The following FAM20B variants were observed in gnomAD, a reference collection of about 807,000 sequenced individuals.
The protein encoded by FAM20B is FAM20B glycosaminoglycan xylosylkinase, also known as glycosaminoglycan xylosylkinase.
A neutral mutation model predicts 43.8 loss-of-function variants in FAM20B; 23 were observed. The observed-to-expected ratio is 0.53, with a 90% CI of 0.38 to 0.74. The LOEUF is 0.74. Ranked by LOEUF, FAM20B falls within the 30% of genes least tolerant of loss-of-function variation. The pLI, the probability that FAM20B is intolerant of heterozygous loss-of-function variation, is 0.00. For synonymous variants in FAM20B, 178 were observed against 192.4 expected, an observed-to-expected ratio of 0.93 and a Z score of 0.62; for missense variants, 440 against 510.5, an observed-to-expected ratio of 0.86 and a Z score of 1.33.
intron 7 of FAM20B, among the ~76,000 whole-genome samples, chr1:179,070,502 G>T (rs1202909435): frequency 6.7e-6 from 1 of 149,678 alleles, no homozygotes; most frequent in Non-Finnish European, 1.5e-5. Flanking sequence ...GGGCAACAAG[G>T]GGCTGAACTC....
At chr1:179,020,179 A>T in the FAM20B span, among the ~76,000 whole-genome samples, 7 of 151,816 alleles carry the variant, frequency 4.6e-5, no homozygotes, top group Non-Finnish European at 8.8e-5. Flanking sequence ...ACACACACAC[A>T]CACACACACA....
intron 3 of FAM20B, 115 bp downstream of exon 3, chr1:179,050,480 A>C (rs1650959721): frequency 1.4e-6 from 1 of 700,620 alleles, no homozygotes; most frequent in Admixed American, 2.4e-5. Context: ...CTTGTTATCG[A>C]TTTTAGATAG....
At chr1:179,063,866 G>A in intron 4 of FAM20B, 61 bp from the exon 5 acceptor site, 1 of 1,231,308 alleles carries the variant, frequency 8.1e-7, no homozygotes, top group Non-Finnish European at 1.2e-6. Flanking sequence ...GCATTATTTG[G>A]GAGAGAACTT....
upstream of FAM20B, among the ~76,000 whole-genome samples, chr1:179,024,143 A>C (rs924809946): frequency 6.6e-6 from 1 of 152,114 alleles, no homozygotes; most frequent in African/African-American, 2.4e-5. Flanking sequence ...GAAAAGGAGG[A>C]AGTGTGTCTG....
At chr1:179,028,085 C>A (rs1215441520) in intron 1 of FAM20B, among the ~76,000 whole-genome samples, 1 of 152,198 alleles carries the variant, frequency 6.6e-6, no homozygotes, top group Non-Finnish European at 1.5e-5. Flanking sequence ...GGGCAGACTT[C>A]AGCTTCCCAC....
At position 179,074,247 on chromosome 1, in the gene FAM20B, A is replaced by G. The variant is rs997024105; in HGVS notation, c.*2103A>G. On this transcript the variant is annotated 3_prime_UTR_variant, in exon 8 of 8. Coordinates refer to ENST00000263733, the MANE Select transcript of FAM20B (RefSeq NM_014864.4). The stretch of plus-strand genomic sequence containing the variant: ...AAGACAGACTAGCACAAAACACAGA[A>G]TTCGTGTTAACCAAAGGAGGCATTG... 33 of 152,646 alleles carry G rather than the reference A, an allele frequency of 2.2e-4. No homozygotes were observed. Among genetic ancestry groups the G allele is most frequent in the African/African-American group, 7.7e-4 (32 of 41,452 alleles). 9.5% of individuals were successfully genotyped at this position (152,646 alleles called of 1,614,324 possible).
intron 6 of FAM20B, 81 bp from the exon 7 acceptor site, chr1:179,066,719 A>G (rs1417276259): frequency 1.1e-6 from 1 of 921,898 alleles, no homozygotes; most frequent in African/African-American, 1.6e-5. Flanking sequence ...TTTGAGTTTC[A>G]TATAGAATTT....
chr1:179,021,958 C>T (rs934575729), upstream of FAM20B, among the ~76,000 whole-genome samples: 2 of 152,098 alleles, frequency 1.3e-5, no homozygotes, highest in African/African-American at 4.8e-5. Context: ...ATCCACAGCC[C>T]GAATGTCTCA....
At chr1:179,037,508 G>A (rs574524069) in intron 1 of FAM20B, among the ~76,000 whole-genome samples, 2 of 115,452 alleles carry the variant, frequency 1.7e-5, no homozygotes, top group South Asian at 5.8e-4. Flanking sequence ...TTTGTGAGAC[G>A]GAGCCTCACT....
chr1:179,049,739 G>A (rs1053231716), intron 2 of FAM20B, among the ~76,000 whole-genome samples: 12 of 152,114 alleles, frequency 7.9e-5, no homozygotes, highest in African/African-American at 2.2e-4. Flanking sequence ...ATGGGGTTTC[G>A]CCATGTTGGC....
At chr1:179,044,440 T>TA (rs1482137458) in intron 2 of FAM20B, among the ~76,000 whole-genome samples, 1 of 152,240 alleles carries the variant, frequency 6.6e-6, no homozygotes, top group Non-Finnish European at 1.5e-5. Flanking sequence ...CTCTGTGTTC[T>TA]ACCTACTCAT....
At chr1:179,066,624 G>A (rs1424654329) in intron 6 of FAM20B, among the ~76,000 whole-genome samples, 176 bp from the exon 7 acceptor site, 1 of 152,044 alleles carries the variant, frequency 6.6e-6, no homozygotes, top group Non-Finnish European at 1.5e-5. Context: ...GGCTGTTAGG[G>A]ATCCTGTGTC....
chr1:179,056,197 G>A (rs1651212102), intron 4 of FAM20B, among the ~76,000 whole-genome samples: 1 of 152,006 alleles, frequency 6.6e-6, no homozygotes, highest in South Asian at 2.1e-4. Flanking sequence ...ACATTCTGTG[G>A]GTTTGGACAA....
chr1:179,064,348 T>C lies in FAM20B; in HGVS notation c.790T>C (p.Ser264Pro), dbSNP rs750341151. 1 of 1,613,540 alleles carries C rather than the reference T, an allele frequency of 6.2e-7. No homozygotes were observed. Among genetic ancestry groups the C allele is most frequent in the Non-Finnish European group, 8.5e-7 (1 of 1,179,662 alleles). Residue 264 changes from serine (S) to proline (P), a missense_variant, in exon 6 of 8, where the codon TCC becomes CCC. Ser to Pro is a moderately conservative substitution (Grantham distance 74, BLOSUM62 -1). Transcript: ENST00000263733. ...CTACTGTGATGCTGTGAAGAAAACG[T>C]CCCCTTATGACTCTGGCCCGCGCCT... ...ESYCDAVKKT[S>P]PYDSGPRLLD...
In FAM20B at chr1:179,063,910, T is replaced by A. The variant is rs775613396; in HGVS notation, c.575-17T>A. 4 of 1,581,306 alleles carry A rather than the reference T, an allele frequency of 2.5e-6. No individual in the cohort carries two copies. The South Asian group carries it at 3.4e-5, about 14-fold the overall frequency. Reference sequence around the variant, plus strand: ...CGTTATTTCCTTAAGTGTATTTGGCTCCTTTCTGTCCTTTAGGAAACAATA... The same window carrying A: ...CGTTATTTCCTTAAGTGTATTTGGCACCTTTCTGTCCTTTAGGAAACAATA... On this transcript the variant is annotated splice_polypyrimidine_tract_variant and intron_variant, in intron 4 of 7. Coordinates refer to ENST00000263733, the MANE Select transcript of FAM20B (RefSeq NM_014864.4).
chr1:179,071,377 T>C (rs1651919484), intron 7 of FAM20B, among the ~76,000 whole-genome samples: 1 of 152,214 alleles, frequency 6.6e-6, no homozygotes, highest in Admixed American at 6.5e-5. Context: ...AGGAAGTTTA[T>C]AGTACCCATT....
chr1:179,064,531 G>A lies in FAM20B; in HGVS notation c.938+35G>A, dbSNP rs1651613131. On this transcript the variant is annotated intron_variant, in intron 6 of 7. Coordinates refer to ENST00000263733, the MANE Select transcript of FAM20B (RefSeq NM_014864.4). ...GCAGGACTGTCCTTGTCAGGGAGGGGTTTCTGTATATGAAAGAAGGGCATT... is the reference window on the plus strand; with the variant it reads ...GCAGGACTGTCCTTGTCAGGGAGGGATTTCTGTATATGAAAGAAGGGCATT... 5 of 1,549,614 alleles carry A rather than the reference G, an allele frequency of 3.2e-6. No individual in the cohort carries two copies. The African/African-American group carries it at 4.1e-5, about 13-fold the overall frequency.
At chr1:179,031,423 A>C (rs1168391237) in intron 1 of FAM20B, among the ~76,000 whole-genome samples, 1 of 152,200 alleles carries the variant, frequency 6.6e-6, no homozygotes, top group Non-Finnish European at 1.5e-5. Context: ...TCATTTTTCA[A>C]GGAAGAGGGT....
At chr1:179,041,601 C>CAGAGGGAGACCGTGGAAAGAGAGGG (rs376106740) in intron 1 of FAM20B, among the ~76,000 whole-genome samples, 1 of 133,692 alleles carries the variant, frequency 7.5e-6, no homozygotes, top group East Asian at 2.0e-4. Context: ...GGCTCGGCAT[C>CAGAGGGAGACCGTGGAAAGAGAGGG]AGAGGGAGAC....
Sources: gnomAD v4.1 joint callset for allele counts (sites outside exome capture counted in the v4.1 genomes callset) on GRCh38, gnomAD v4.1.1 for gene constraint, MANE v1.5 for transcripts, NCBI Gene and HGNC (gene_info 2026-07-23, HGNC 2026-07-21) for gene names.